ZNF14: variants seen among roughly 807,000 people sequenced by gnomAD.
ZNF14 encodes gonadotropin inducible transcription repressor-4.
Under a neutral mutation model 11.3 loss-of-function variants are expected in ZNF14, and 9 were observed. The ratio of observed to expected loss-of-function variants is 0.80; its 90% CI spans 0.48 to 1.39. The LOEUF (loss-of-function observed/expected upper bound fraction) is 1.39, where lower values mean the gene tolerates loss of function less well. Among genes scored for constraint, ZNF14 ranks in the 40% most tolerant of loss-of-function variants. The pLI is 0.00. For synonymous variants in ZNF14, 239 were observed against 245.7 expected (o/e 0.97, Z 0.25); for missense variants, 711 against 763.9 (o/e 0.93, Z 0.82).
chr19:19,730,700 G>T (rs1032957032), intron 1 of ZNF14, among the ~76,000 whole-genome samples: 2 of 152,102 alleles, frequency 1.3e-5, no homozygotes, highest in Admixed American at 1.3e-4. Flanking sequence ...ATCACCTGAG[G>T]TTGGGAGTTC....
Position 19,714,399 on chromosome 19 carries a change from T to A in ZNF14, c.92A>T (p.Asp31Val). The change falls in exon 2 of 4, where the codon GAT becomes GTT. Residue 31 changes from aspartate to valine, a missense_variant. Transcript: ENST00000344099. ...LDSSQKKLYE[D>V]VMQETFKNLV... ...GTTTTTGAAGGTCTCCTGCATCACA[T>A]CTTCATAGAGCTTTTTCTGTGAAGA... 2 of 1,614,122 alleles carry A rather than the reference T, an allele frequency of 1.2e-6. No homozygotes were observed. Among genetic ancestry groups the A allele is most frequent in the Non-Finnish European group, 1.7e-6 (2 of 1,180,030 alleles).
intron 1 of ZNF14, among the ~76,000 whole-genome samples, chr19:19,729,641 T>C (rs930941003): frequency 6.6e-6 from 1 of 152,036 alleles, no homozygotes; most frequent in Non-Finnish European, 1.5e-5. Flanking sequence ...CTGAAACACA[T>C]GCTAAAACAA....
chr19:19,711,818 C>A lies in ZNF14; in HGVS notation c.1463G>T (p.Ser488Ile). The part of the protein sequence containing the change: ...KQCGKVFIRS[S>I]SFRLHERTHT... The stretch of plus-strand genomic sequence containing the variant: ...TGTTCTTTCATGCAGTCGAAAGGAA[C>A]TGGAACGAATGAAAACTTTTCCACA... Residue 488 changes from serine to isoleucine, a missense_variant, in exon 4 of 4, where the codon AGT becomes ATT. By Grantham distance (142) the Ser-to-Ile change is moderately radical. Coordinates refer to ENST00000344099, the MANE Select transcript of ZNF14 (RefSeq NM_021030.3). 1 of 1,613,292 alleles carries A rather than the reference C, an allele frequency of 6.2e-7. No individual in the cohort carries two copies. The highest frequency in any genetic ancestry group is 8.5e-7 in the Non-Finnish European group (1 of 1,179,492).
At chr19:19,731,632 C>A (rs901365849) in intron 1 of ZNF14, among the ~76,000 whole-genome samples, 13 of 152,026 alleles carry the variant, frequency 8.6e-5, no homozygotes, top group Non-Finnish European at 1.3e-4. Context: ...GACTTAGGAA[C>A]CTTCCACTGG....
At position 19,711,683 on chromosome 19, in the gene ZNF14, C is replaced by T; in HGVS notation, c.1598G>A (p.Cys533Tyr). 4 of 1,614,130 alleles carry T rather than the reference C, an allele frequency of 2.5e-6. 1 individual carries two copies. The Middle Eastern group carries it at 6.6e-4, about 266-fold the overall frequency. ...KIHTGNKPFECKQCGKAFLRS... is the reference protein window; with the variant it reads ...KIHTGNKPFEYKQCGKAFLRS... ...AAGGAAGGCCTTACCACATTGCTTA[C>T]ACTCAAAAGGCTTATTTCCAGTGTG... The change falls in exon 4 of 4, where the codon TGT becomes TAT. Residue 533 changes from cysteine (C) to tyrosine (Y), a missense_variant. Cys to Tyr is a radical substitution (Grantham distance 194). Coordinates refer to ENST00000344099, the MANE Select transcript of ZNF14 (RefSeq NM_021030.3).
At chr19:19,714,713 C>CTTTTCTT (rs1555761423) in intron 1 of ZNF14, among the ~76,000 whole-genome samples, 1,316 of 122,824 alleles carry the variant, frequency 0.011, 26 homozygotes, top group African/African-American at 0.037. Flanking sequence ...TTTTCTTTTT[C>CTTTTCTT]TTTTTTTTTT....
At position 19,712,651 on chromosome 19, in the gene ZNF14, C is replaced by T. The variant is rs2062365238; in HGVS notation, c.630G>A (p.Gln210=). The T allele has an allele frequency of 6.2e-7, 1 of 1,613,634 alleles. No individual in the cohort carries two copies. The highest frequency in any genetic ancestry group is 8.5e-7 in the Non-Finnish European group (1 of 1,179,962). The change falls in exon 4 of 4, where the codon CAG becomes CAA. Residue 210 remains glutamine, a synonymous_variant. Transcript: ENST00000344099. ...KQCGKTFIYY[Q]SFQKHAHTGK... is the part of the protein sequence containing the mutation. ...CAGTATGAGCATGTTTTTGAAAAGA[C>T]TGGTAATATATAAAGGTTTTTCCAC...
intron 3 of ZNF14, among the ~76,000 whole-genome samples, chr19:19,713,384 T>C (rs1026126145): frequency 1.3e-5 from 2 of 151,906 alleles, no homozygotes; most frequent in African/African-American, 4.8e-5. Flanking sequence ...ATTCCTGGGC[T>C]CAACCAATCC....
At chr19:19,717,208 T>C (rs1443064374) in intron 1 of ZNF14, among the ~76,000 whole-genome samples, 1 of 152,088 alleles carries the variant, frequency 6.6e-6, no homozygotes, top group African/African-American at 2.4e-5. Context: ...CACCACCCTT[T>C]ATAGTTCAGT....
intron 1 of ZNF14, among the ~76,000 whole-genome samples, chr19:19,731,607 C>T (rs1226556849): frequency 6.6e-6 from 1 of 151,796 alleles, no homozygotes; most frequent in African/African-American, 2.4e-5. Flanking sequence ...AACAAAACTA[C>T]CCACAATGAC....
rs1357386938 is a variant in ZNF14, at chr19:19,713,066, C to T, written c.215G>A (p.Cys72Tyr). 5 of 1,604,808 alleles carry T rather than the reference C, an allele frequency of 3.1e-6. No individual in the cohort carries two copies. The highest frequency in any genetic ancestry group is 3.4e-6 in the Non-Finnish European group (4 of 1,175,268). Residue 72 changes from cysteine (C) to tyrosine (Y), a missense_variant, in exon 4 of 4, where the codon TGT (cysteine) becomes TAT (tyrosine). By Grantham distance (194) the Cys-to-Tyr change is radical. Transcript: ENST00000344099. ...NRRCHMVERL[C>Y]ESRRGSKCGE... ...ACATTTGCTACCTCTTCTACTTTCA[C>T]AGAGTCTCTCAACCATATGACATCT...
chr19:19,719,094 GAA>G (rs2062385439), intron 1 of ZNF14, among the ~76,000 whole-genome samples: 1 of 152,048 alleles, frequency 6.6e-6, no homozygotes, highest in South Asian at 2.1e-4. Context: ...GTGAAAGCAA[GAA>G]GAGACTGGAG....
In ZNF14 at chr19:19,712,784, A is replaced by C. The variant is rs192095216; in HGVS notation, c.497T>G (p.Val166Gly). The change falls in exon 4 of 4, where the codon GTG (valine) becomes GGG (glycine). Residue 166 changes from valine (V) to glycine (G), a missense_variant. Val to Gly is a moderately radical substitution (Grantham distance 109). Transcript: ENST00000344099. ...FRKHERTHTG[V>G]KPYECKQCGK... ...ACACTGTTTACATTCATAGGGCTTC[A>C]CTCCAGTGTGAGTTCTTTCATGTTT... 387 of 1,611,352 alleles carry C rather than the reference A, an allele frequency of 2.4e-4. 4 individuals are homozygous for C. In the East Asian group the frequency reaches 6.9e-3, roughly 29 times the overall value.
Position 19,712,276 on chromosome 19 carries a change from A to G in ZNF14, c.1005T>C (p.Tyr335=). Residue 335 remains tyrosine, a synonymous_variant, in exon 4 of 4, where the codon TAT becomes TAC. Coordinates refer to ENST00000344099, the MANE Select transcript of ZNF14 (RefSeq NM_021030.3). ...AGGCTTTCCCACATTCTTTACATTT[A>G]TAAGGTCGAGCCCCAGTGTGTATTA... The part of the protein sequence containing the change: ...HVIIHTGARP[Y]KCKECGKAFN... 6.2e-7 allele frequency: 1 copy of G among 1,613,864 alleles called. No individual in the cohort carries two copies. Among genetic ancestry groups the G allele is most frequent in the Non-Finnish European group, 8.5e-7 (1 of 1,179,948 alleles).
intron 1 of ZNF14, among the ~76,000 whole-genome samples, chr19:19,716,992 GGT>G (rs774017445): frequency 2.6e-5 from 4 of 152,080 alleles, no homozygotes; most frequent in Non-Finnish European, 4.4e-5. Flanking sequence ...ACCAATACAA[GGT>G]GTCTTTTCCA....
chr19:19,721,251 C>T (rs34004740), intron 1 of ZNF14, among the ~76,000 whole-genome samples: 138 of 152,242 alleles, frequency 9.1e-4, no homozygotes, highest in Non-Finnish European at 1.8e-3. Context: ...CCACCACCCC[C>T]GGCCCTTCCT....
chr19:19,731,805 C>T (rs1364668727), intron 1 of ZNF14, among the ~76,000 whole-genome samples: 1 of 152,020 alleles, frequency 6.6e-6, no homozygotes, highest in Non-Finnish European at 1.5e-5. Flanking sequence ...CGGTGGCTCA[C>T]GCCTGTAATC....
In ZNF14 at chr19:19,714,956, C is replaced by T. The variant is rs773519743; in HGVS notation, c.4-469G>A. Among the ~76,000 whole-genome samples, 23 of 152,046 alleles carry T rather than the reference C, an allele frequency of 1.5e-4. 1 individual carries two copies. The highest frequency in any genetic ancestry group is 8.5e-4 in the Admixed American group (13 of 15,276). ...AACTCCTGAGCTCAGGCAATTTGCC[C>T]GCCTCGGCCTCCCAAAGTGCTAGGA... On this transcript the variant is annotated intron_variant, in intron 1 of 3. Transcript: ENST00000344099.
chr19:19,730,781 G>A (rs247779), intron 1 of ZNF14, among the ~76,000 whole-genome samples: 38,500 of 151,930 alleles, frequency 0.25, 4,998 homozygotes, highest in Middle Eastern at 0.37. Flanking sequence ...GCGTGGTGGC[G>A]CATGCCTGTA....
Sources: gnomAD v4.1 joint callset for allele counts (sites outside exome capture counted in the v4.1 genomes callset) on GRCh38, gnomAD v4.1.1 for gene constraint, MANE v1.5 for transcripts, NCBI Gene and HGNC (gene_info 2026-07-23, HGNC 2026-07-21) for gene names.